Variants in PIEZO2 observed in about 807,000 individuals in gnomAD.
PIEZO2 encodes the protein piezo type mechanosensitive ion channel component 2, also known as piezo-type mechanosensitive ion channel component 2.
Under a neutral mutation model 337.3 loss-of-function variants are expected in PIEZO2, and 172 were observed. The ratio of observed to expected loss-of-function variants is 0.51; its 90% CI spans 0.45 to 0.58. The LOEUF is 0.58. Among genes scored for constraint, PIEZO2 ranks in the 20% least tolerant of loss-of-function variants. PIEZO2 has a pLI of 0.00. For missense variants in PIEZO2, 3,028 were observed against 3,391.3 expected (o/e 0.89, Z 2.66); for synonymous variants, 1,251 against 1,228.5 (o/e 1.02, Z -0.38).
At chr18:10,788,602 G>A (rs1280112782) in intron 15 of PIEZO2, among the ~76,000 whole-genome samples, 3 of 151,838 alleles carry the variant, frequency 2.0e-5, no homozygotes, top group Admixed American at 1.3e-4. Flanking sequence ...TTTTAGAGAT[G>A]GCATCTTAAT....
intron 2 of PIEZO2, among the ~76,000 whole-genome samples, chr18:11,046,764 GA>G (rs1222888092): frequency 6.6e-6 from 1 of 152,220 alleles, no homozygotes; most frequent in Non-Finnish European, 1.5e-5. Flanking sequence ...TCATGCCAAG[GA>G]GGCCAAGGCA....
Position 11,143,623 on chromosome 18 carries a change from A to ACTCTCTCTCT in PIEZO2, c.64+4901_64+4902insAGAGAGAGAG, listed in dbSNP as rs1568412583. On this transcript the variant is annotated intron_variant, in intron 1 of 55. Coordinates refer to ENST00000674853, the MANE Select transcript of PIEZO2 (RefSeq NM_001378183.1). The surrounding 1 kb of genome is among the most constrained non-coding windows in gnomAD (Gnocchi z 4.9). ...CTAACACACACACACACACACACAC[A>ACTCTCTCTCT]CACACACACACACACACTCTCTCTC... Among the ~76,000 whole-genome samples the ACTCTCTCTCT allele has an allele frequency of 7.0e-6, 1 of 142,990 alleles. No homozygotes were observed. The highest frequency in any genetic ancestry group is 2.8e-5 in the African/African-American group (1 of 35,428). 93.8% of individuals were successfully genotyped at this position (142,990 alleles called of 152,430 possible). A position where few individuals can be genotyped will look rare whatever the true frequency, so the allele number is the denominator to read the frequency against.
chr18:10,885,798 A>C (rs912699360), intron 4 of PIEZO2, among the ~76,000 whole-genome samples: 1 of 152,188 alleles, frequency 6.6e-6, no homozygotes, highest in African/African-American at 2.4e-5. Flanking sequence ...TAAGAATTTG[A>C]GAGTAAACCA....
chr18:10,839,538 T>C (rs1371949583), intron 7 of PIEZO2, among the ~76,000 whole-genome samples: 4 of 151,910 alleles, frequency 2.6e-5, no homozygotes, highest in Non-Finnish European at 2.9e-5. Context: ...TTTCCTCCCA[T>C]AGAATTACTT....
At chr18:10,904,254 C>G (rs1169343998) in intron 4 of PIEZO2, among the ~76,000 whole-genome samples, 3 of 152,174 alleles carry the variant, frequency 2.0e-5, no homozygotes, top group African/African-American at 7.2e-5. Flanking sequence ...CTCAACAAAC[C>G]CTTATGGACA....
chr18:10,818,788 C>T (rs546188749), intron 7 of PIEZO2, among the ~76,000 whole-genome samples: 16 of 152,258 alleles, frequency 1.1e-4, no homozygotes, highest in South Asian at 8.3e-4. Flanking sequence ...CCTACCATTT[C>T]GCTTCACGTC....
At chr18:10,680,439 C>G in intron 51 of PIEZO2, 68 bp from the exon 52 acceptor site, 11 of 1,408,702 alleles carry the variant, frequency 7.8e-6, no homozygotes, top group African/African-American at 1.4e-5. Context: ...AAAGCAGTCA[C>G]TCTTCCTTTT....
intron 7 of PIEZO2, among the ~76,000 whole-genome samples, chr18:10,827,907 A>G (rs918515940): frequency 3.9e-5 from 6 of 152,188 alleles, no homozygotes; most frequent in African/African-American, 1.2e-4. Context: ...GTTTTCTTCA[A>G]TGACATCTAA....
rs1204334089 is a variant in PIEZO2 at position 10,731,175 on chromosome 18, GATTATATATATATATATAT to G, written c.5029+213_5029+231del. Among the ~76,000 whole-genome samples the G allele has an allele frequency of 4.7e-4, 55 of 117,830 alleles. 1 individual carries two copies. The highest frequency in any genetic ancestry group is 8.9e-4 in the East Asian group (4 of 4,488). 77.3% of individuals were successfully genotyped at this position (117,830 alleles called of 152,430 possible). On this transcript the variant is annotated intron_variant, in intron 36 of 55. Transcript: ENST00000674853. ...AACTCTCCTTTTTTCCTACTTAAAAGATTATATATATATATATATATATATATATATATATATATATATC... is the reference window on the plus strand; with the variant it reads ...AACTCTCCTTTTTTCCTACTTAAAAGATATATATATATATATATATATATC...
At chr18:10,730,995 G>A (rs529709867) in intron 36 of PIEZO2, among the ~76,000 whole-genome samples, 329 of 152,100 alleles carry the variant, frequency 2.2e-3, no homozygotes, top group African/African-American at 7.7e-3. Context: ...CAAAGTGCTA[G>A]GATTACAGGC....
intron 39 of PIEZO2, among the ~76,000 whole-genome samples, chr18:10,711,882 G>C (rs2035833973): frequency 6.6e-6 from 1 of 152,178 alleles, no homozygotes; most frequent in East Asian, 1.9e-4. Flanking sequence ...AAGTAATAAA[G>C]ACATAGTTTG....
rs11268090 is a variant in PIEZO2 at position 10,844,422 on chromosome 18, G to GATAAA, written c.917+10926_917+10930dup. Among the ~76,000 whole-genome samples the GATAAA allele has an allele frequency of 1.4e-4, 20 of 144,400 alleles. No homozygotes were observed. In the East Asian group the frequency reaches 1.5e-3, roughly 11 times the overall value. The allele number at this position is 144,400 out of a possible 152,430, so 94.7% of individuals were successfully genotyped here. A position where few individuals can be genotyped will look rare whatever the true frequency, so the allele number is the denominator to read the frequency against. ...GTGACAGAGTGAGACTGTCTCAAAA[G>GATAAA]ATAAAATAAAATAAAATAAAATAAA... On this transcript the variant is annotated intron_variant, in intron 7 of 55. Coordinates refer to ENST00000674853, the MANE Select transcript of PIEZO2 (RefSeq NM_001378183.1).
chr18:11,008,955 A>G (rs1568290131), intron 2 of PIEZO2, among the ~76,000 whole-genome samples: 1 of 152,246 alleles, frequency 6.6e-6, no homozygotes, highest in East Asian at 1.9e-4. Context: ...CAGCTGATTA[A>G]TTCAATAGGG....
At chr18:10,920,498 T>TA (rs1338204109) in intron 3 of PIEZO2, among the ~76,000 whole-genome samples, 2 of 152,170 alleles carry the variant, frequency 1.3e-5, no homozygotes, top group Non-Finnish European at 2.9e-5. Flanking sequence ...TATGTGACAT[T>TA]AAAATTAGAT....
Position 10,794,950 on chromosome 18 carries a change from G to C in PIEZO2, c.1580C>G (p.Ser527Trp). The C allele has an allele frequency of 1.3e-6, 2 of 1,547,112 alleles. No homozygotes were observed. Among genetic ancestry groups the C allele is most frequent in the South Asian group, 1.2e-5 (1 of 84,052 alleles). The change falls in exon 13 of 56, where the codon TCG (serine) becomes TGG (tryptophan). Residue 527 changes from serine (S) to tryptophan (W), a missense_variant. Physicochemically the swap from Ser to Trp is radical, Grantham distance 177. Around this residue, in one of 5 missense-constraint regions of PIEZO2, gnomAD observed 50 missense variants for 88.2 expected, o/e 0.57. Coordinates refer to ENST00000674853, the MANE Select transcript of PIEZO2 (RefSeq NM_001378183.1). This position sits in a 1 kb window ranked among gnomAD's most constrained non-coding sequence, Gnocchi z 6.6. ...GTTGCGAATCATCCAAAGAGTGCACGACCAGATCAGCAGCACGAAGGTCAG... is the reference window on the plus strand; with the variant it reads ...GTTGCGAATCATCCAAAGAGTGCACCACCAGATCAGCAGCACGAAGGTCAG... ...SWLTFVLLIW[S>W]CTLWMIRNRR... is the part of the protein sequence containing the mutation.
intron 21 of PIEZO2, among the ~76,000 whole-genome samples, chr18:10,763,443 G>T (rs992214618): frequency 6.6e-6 from 1 of 152,204 alleles, no homozygotes; most frequent in African/African-American, 2.4e-5. Context: ...AAGAGACAGT[G>T]CCTGAACTAA....
intron 1 of PIEZO2, among the ~76,000 whole-genome samples, chr18:11,137,206 T>TA (rs745580318): frequency 1.1e-4 from 17 of 152,280 alleles, no homozygotes; most frequent in Non-Finnish European, 2.1e-4. Flanking sequence ...AACTGTTTTG[T>TA]AAAATCCTGA....
intron 7 of PIEZO2, among the ~76,000 whole-genome samples, chr18:10,808,189 C>T (rs1813730972): frequency 1.3e-5 from 2 of 152,166 alleles, no homozygotes; most frequent in South Asian, 4.1e-4. Flanking sequence ...CCTGGGCTCA[C>T]ATGATCCTCC....
At chr18:11,053,250 T>G (rs1478398308) in intron 2 of PIEZO2, among the ~76,000 whole-genome samples, 2 of 152,178 alleles carry the variant, frequency 1.3e-5, no homozygotes, top group Non-Finnish European at 2.9e-5. Context: ...AACTAAAAAT[T>G]GGACACACCA....
Sources: allele counts gnomAD v4.1 joint callset (sites outside exome capture counted in the v4.1 genomes callset), GRCh38; gene constraint gnomAD v4.1.1; regional missense constraint gnomAD v4.1.1; non-coding constraint Gnocchi (gnomAD v3.1); transcripts MANE v1.5; gene names NCBI Gene and HGNC (gene_info 2026-07-23, HGNC 2026-07-21).